The following GALM variants were observed in gnomAD, a reference collection of about 807,000 sequenced individuals.
GALM encodes aldose 1-epimerase.
Under a neutral mutation model 37.4 loss-of-function variants are expected in GALM, and 43 were observed. The observed-to-expected ratio is 1.15, with a 90% confidence interval of 0.90 to 1.48. The LOEUF is 1.48. Ranked by LOEUF, GALM falls within the 40% of genes most tolerant of loss-of-function variation. The pLI, the probability that GALM is intolerant of heterozygous loss-of-function variation, is 0.00. For synonymous variants in GALM, 199 were observed against 170.6 expected (o/e 1.17, Z -1.30); for missense variants, 456 against 419.1 (o/e 1.09, Z -0.77).
intron 4 of GALM, among the ~76,000 whole-genome samples, chr2:38,719,630 C>A (rs1666335472): frequency 6.6e-6 from 1 of 151,358 alleles, no homozygotes; most frequent in African/African-American, 2.4e-5. Flanking sequence ...CAAAAATTAG[C>A]CAGGTGTGGT....
Position 38,726,545 on chromosome 2 carries a change from C to T in GALM, c.635-3011C>T, listed in dbSNP as rs373645432. ...CTGGCCAAGTCTCTCACATTTAATC[C>T]CAACACAATGCTGTATACAAACCAA... On this transcript the variant is annotated intron_variant, in intron 4 of 6. Coordinates refer to ENST00000272252, the MANE Select transcript of GALM (RefSeq NM_138801.3). 1.0e-3 allele frequency among the ~76,000 whole-genome samples: 157 copies of T among 152,034 alleles called. 4 individuals are homozygous for T. In the South Asian group the frequency reaches 0.032, roughly 31 times the overall value.
intron 4 of GALM, among the ~76,000 whole-genome samples, chr2:38,699,803 A>G (rs866215667): frequency 6.6e-6 from 1 of 152,250 alleles, no homozygotes; most frequent in Middle Eastern, 3.4e-3. Flanking sequence ...ACTCGATATA[A>G]TTTCAATTAT....
chr2:38,676,032 A>G lies in GALM; in HGVS notation c.311A>G (p.Asn104Ser), dbSNP rs202097665. Reference sequence around the variant, plus strand: ...CACCTGGCCATTAACAAGGAACCCAACAGTCTGCATGGAGGAGTCAGAGGG... The same window carrying G: ...CACCTGGCCATTAACAAGGAACCCAGCAGTCTGCATGGAGGAGTCAGAGGG... ...EYHLAINKEP[N>S]SLHGGVRGFD... Residue 104 changes from asparagine to serine, a missense_variant, in exon 2 of 7, where the codon AAC becomes AGC. Transcript: ENST00000272252. 6 of 1,614,124 alleles carry G rather than the reference A, an allele frequency of 3.7e-6. No individual in the cohort carries two copies. The South Asian group carries it at 5.5e-5, about 15-fold the overall frequency.
At chr2:38,711,485 G>A (rs1003740109) in intron 4 of GALM, among the ~76,000 whole-genome samples, 25 of 151,904 alleles carry the variant, frequency 1.6e-4, no homozygotes, top group Admixed American at 3.9e-4. Context: ...TATGTGACTC[G>A]TGTTGAACTT....
intron 6 of GALM, among the ~76,000 whole-genome samples, chr2:38,732,354 G>A (rs1001066042): frequency 5.9e-5 from 9 of 152,152 alleles, no homozygotes; most frequent in African/African-American, 9.7e-5. Context: ...CACTGTGCCC[G>A]GCTCAAAAGT....
At chr2:38,689,476 T>G (rs1163204472) in intron 3 of GALM, among the ~76,000 whole-genome samples, 2 of 152,114 alleles carry the variant, frequency 1.3e-5, no homozygotes, top group Non-Finnish European at 2.9e-5. Flanking sequence ...TGCTCTTCTG[T>G]TTGCCTGGCA....
At chr2:38,697,813 A>G (rs562538413) in intron 4 of GALM, among the ~76,000 whole-genome samples, 5 of 152,166 alleles carry the variant, frequency 3.3e-5, no homozygotes, top group Admixed American at 2.0e-4. Context: ...CAAGAGCAAG[A>G]CAAAGAAATT....
chr2:38,683,451 T>C (rs1380447885), intron 3 of GALM, among the ~76,000 whole-genome samples: 1 of 152,216 alleles, frequency 6.6e-6, no homozygotes, highest in Non-Finnish European at 1.5e-5. Flanking sequence ...TATATACTTA[T>C]TTGTTCAGCA....
intron 4 of GALM, among the ~76,000 whole-genome samples, chr2:38,719,917 T>G (rs1481299145): frequency 6.7e-6 from 1 of 149,576 alleles, no homozygotes; most frequent in East Asian, 2.2e-4. Flanking sequence ...CTCCTGTAAA[T>G]GTTTATTGTT....
In GALM at chr2:38,733,485, C is replaced by T. The variant is rs376098830; in HGVS notation, c.952-3C>T. The T allele has an allele frequency of 6.2e-7, 1 of 1,613,308 alleles. No individual in the cohort carries two copies. The highest frequency in any genetic ancestry group is 8.5e-7 in the Non-Finnish European group (1 of 1,179,390). ...CATCACCTGTGTTGTTTCCCCTTCA[C>T]AGCCCCGCTTCCCTCCTGTGCTGCT... On this transcript the variant is annotated splice_polypyrimidine_tract_variant and splice_region_variant and intron_variant, in intron 6 of 6. Transcript: ENST00000272252.
intron 4 of GALM, among the ~76,000 whole-genome samples, chr2:38,728,503 G>A (rs1666531897): frequency 1.3e-5 from 2 of 151,930 alleles, no homozygotes; most frequent in Non-Finnish European, 2.9e-5. Context: ...CGACCAGCCT[G>A]GCCAACATGG....
intron 3 of GALM, among the ~76,000 whole-genome samples, chr2:38,688,637 C>T (rs1354491461): frequency 6.6e-6 from 1 of 152,164 alleles, no homozygotes; most frequent in African/African-American, 2.4e-5. Context: ...GTTTCCCTTC[C>T]ACATCTTCTG....
At chr2:38,725,008 A>G (rs1337916016) in intron 4 of GALM, among the ~76,000 whole-genome samples, 3 of 152,190 alleles carry the variant, frequency 2.0e-5, no homozygotes, top group Non-Finnish European at 2.9e-5. Context: ...ACCTGTAGTT[A>G]TACTTTAAGG....
intron 4 of GALM, among the ~76,000 whole-genome samples, chr2:38,692,906 A>T (rs745453602): frequency 6.6e-6 from 1 of 152,210 alleles, no homozygotes. Context: ...GGACTAGCCC[A>T]GGGAAGTGCT....
chr2:38,731,949 C>T (rs374117098), intron 6 of GALM, 40 bp downstream of exon 6: 1 of 1,506,086 alleles, frequency 6.6e-7, no homozygotes, highest in South Asian at 1.1e-5. Context: ...GAGTTGTGTC[C>T]AAGGTCACAC....
chr2:38,676,099 A>G lies in GALM; in HGVS notation c.345+33A>G, dbSNP rs183889020. 989 of 1,610,520 alleles carry G rather than the reference A, an allele frequency of 6.1e-4. 8 individuals carry two copies. The African/African-American group carries it at 0.012, about 19-fold the overall frequency. The stretch of plus-strand genomic sequence containing the variant: ...CGGCACATGTGACTGAGTTCCCTTT[A>G]GGCTCACTTTACGCATACCTTCTGC... On this transcript the variant is annotated intron_variant, in intron 2 of 6. Transcript: ENST00000272252.
At chr2:38,718,292 C>G (rs966282896) in intron 4 of GALM, among the ~76,000 whole-genome samples, 4 of 150,790 alleles carry the variant, frequency 2.7e-5, no homozygotes, top group African/African-American at 9.8e-5. Context: ...CTCTGCTTCC[C>G]AGGTTCAAGT....
intron 4 of GALM, among the ~76,000 whole-genome samples, chr2:38,698,863 G>A (rs1359618060): frequency 3.9e-5 from 6 of 152,122 alleles, no homozygotes; most frequent in South Asian, 2.1e-4. Flanking sequence ...CTCCCACCTC[G>A]GCCTCCTAAA....
chr2:38,724,200 T>C (rs1666439348), intron 4 of GALM, among the ~76,000 whole-genome samples: 1 of 152,210 alleles, frequency 6.6e-6, no homozygotes, highest in African/African-American at 2.4e-5. Context: ...ATTACAGACA[T>C]GAGCCACCAT....
Sources: gnomAD v4.1 joint callset for allele counts (sites outside exome capture counted in the v4.1 genomes callset) on GRCh38, gnomAD v4.1.1 for gene constraint, MANE v1.5 for transcripts, NCBI Gene and HGNC (gene_info 2026-07-23, HGNC 2026-07-21) for gene names.